Variants in NTF3 observed in about 807,000 individuals in gnomAD.
The protein encoded by NTF3 is neurotrophin 3.
In NTF3, 8 loss-of-function variants were observed where a neutral mutation model predicts 26.3. The ratio of observed to expected loss-of-function variants is 0.30; its 90% confidence interval spans 0.18 to 0.55. NTF3 has a LOEUF of 0.55. Among genes scored for constraint, NTF3 ranks in the 20% least tolerant of loss-of-function variants. NTF3 has a pLI of 0.93. For missense variants in NTF3, 276 were observed against 352.9 expected (o/e 0.78, Z 1.75); for synonymous variants, 154 against 145.5 (o/e 1.06, Z -0.42).
At chr12:5,435,671 G>C (rs1940158412) in intron 1 of NTF3, among the ~76,000 whole-genome samples, 2 of 152,188 alleles carry the variant, frequency 1.3e-5, no homozygotes, top group African/African-American at 2.4e-5. Flanking sequence ...AGAGTACACA[G>C]AGCCTCCTTC....
At chr12:5,453,208 T>C (rs1223880892) in intron 1 of NTF3, among the ~76,000 whole-genome samples, 2 of 152,242 alleles carry the variant, frequency 1.3e-5, no homozygotes, top group Admixed American at 6.5e-5. Context: ...ATAACAATGA[T>C]GAACATTTTT....
rs1565398052 is a variant in NTF3 at position 5,491,107 on chromosome 12, G to A, written c.19-3087G>A. On this transcript the variant is annotated intron_variant, in intron 1 of 1. Coordinates refer to ENST00000423158, the MANE Select transcript of NTF3 (RefSeq NM_001102654.2). ...TTGCGCCTACGAACCAAATGCCCCC[G>A]TCACTCTCTGCCATTGTTTAGCAGT... Among the ~76,000 whole-genome samples, 4 of 152,126 alleles carry A rather than the reference G, an allele frequency of 2.6e-5. No homozygotes were observed. The South Asian group carries it at 6.2e-4, about 24-fold the overall frequency.
intron 1 of NTF3, among the ~76,000 whole-genome samples, chr12:5,449,099 T>C (rs534891995): frequency 6.6e-6 from 1 of 152,250 alleles, no homozygotes; most frequent in South Asian, 2.1e-4. Context: ...ACACAGAGGG[T>C]ACCTGGAGTT....
At chr12:5,483,999 C>A (rs1940838230) in intron 1 of NTF3, among the ~76,000 whole-genome samples, 1 of 152,140 alleles carries the variant, frequency 6.6e-6, no homozygotes, top group Admixed American at 6.5e-5. Flanking sequence ...TCAGGCTTCA[C>A]ACATAGTGTC....
intron 1 of NTF3, among the ~76,000 whole-genome samples, chr12:5,487,095 T>G (rs1940875880): frequency 6.6e-6 from 1 of 152,224 alleles, no homozygotes; most frequent in South Asian, 2.1e-4. Flanking sequence ...TGGGAGTTTG[T>G]GATATGCAAA....
chr12:5,485,239 G>T (rs1462154908), intron 1 of NTF3, among the ~76,000 whole-genome samples: 1 of 152,200 alleles, frequency 6.6e-6, no homozygotes, highest in African/African-American at 2.4e-5. Context: ...CAGAGGATCT[G>T]TCTTGAATGT....
At chr12:5,464,456 G>A (rs923237523) in intron 1 of NTF3, among the ~76,000 whole-genome samples, 8 of 152,198 alleles carry the variant, frequency 5.3e-5, no homozygotes, top group African/African-American at 1.9e-4. Context: ...AAGAGGTTGT[G>A]TGAAATAAAC....
chr12:5,455,663 A>G (rs1008973516), intron 1 of NTF3, among the ~76,000 whole-genome samples: 3 of 152,124 alleles, frequency 2.0e-5, no homozygotes, highest in Admixed American at 1.3e-4. Context: ...ACAGTGAGAG[A>G]CAAAGTTCTA....
At chr12:5,453,851 G>A (rs1940404413) in intron 1 of NTF3, among the ~76,000 whole-genome samples, 2 of 152,188 alleles carry the variant, frequency 1.3e-5, no homozygotes, top group Non-Finnish European at 2.9e-5. Flanking sequence ...ACTGTGTAGG[G>A]TAGAGTTTGA....
At chr12:5,466,300 G>A (rs1940588298) in intron 1 of NTF3, among the ~76,000 whole-genome samples, 1 of 152,172 alleles carries the variant, frequency 6.6e-6, no homozygotes, top group Admixed American at 6.5e-5. Context: ...GATGCACTGT[G>A]GCGAGAGCAG....
At chr12:5,445,507 G>T (rs1049362133) in intron 1 of NTF3, among the ~76,000 whole-genome samples, 1 of 152,178 alleles carries the variant, frequency 6.6e-6, no homozygotes, top group African/African-American at 2.4e-5. Flanking sequence ...GTTGCTTGGG[G>T]AGTGTGAATA....
intron 1 of NTF3, among the ~76,000 whole-genome samples, chr12:5,460,621 A>G (rs1035782440): frequency 3.3e-5 from 5 of 152,186 alleles, no homozygotes; most frequent in Admixed American, 1.3e-4. Flanking sequence ...TAGAATAGGT[A>G]TCCATTTAAT....
At chr12:5,485,619 C>T (rs999998261) in intron 1 of NTF3, among the ~76,000 whole-genome samples, 3 of 152,188 alleles carry the variant, frequency 2.0e-5, no homozygotes, top group African/African-American at 4.8e-5. Context: ...ATTATTATGA[C>T]TTGTGTCTGT....
intron 1 of NTF3, among the ~76,000 whole-genome samples, chr12:5,459,878 G>A (rs1179084559): frequency 2.0e-5 from 3 of 152,146 alleles, no homozygotes; most frequent in African/African-American, 7.2e-5. Context: ...TATCTGATTT[G>A]CCATTCCAGA....
intron 1 of NTF3, among the ~76,000 whole-genome samples, chr12:5,436,114 C>A (rs1940165020): frequency 6.6e-6 from 1 of 152,156 alleles, no homozygotes; most frequent in African/African-American, 2.4e-5. Context: ...GGTGAGGCAA[C>A]TGGGTAGGAA....
chr12:5,472,487 A>G (rs1940677484), intron 1 of NTF3, among the ~76,000 whole-genome samples: 1 of 152,246 alleles, frequency 6.6e-6, no homozygotes, highest in Non-Finnish European at 1.5e-5. Flanking sequence ...TATAAATGTC[A>G]GGAATTATAT....
chr12:5,487,661 G>A (rs539903135), intron 1 of NTF3, among the ~76,000 whole-genome samples: 1 of 152,312 alleles, frequency 6.6e-6, no homozygotes. Flanking sequence ...ATGTATGTTA[G>A]TCAGTTTCAG....
intron 1 of NTF3, among the ~76,000 whole-genome samples, chr12:5,478,376 A>G (rs1215044147): frequency 6.6e-6 from 1 of 152,236 alleles, no homozygotes; most frequent in Non-Finnish European, 1.5e-5. Flanking sequence ...AGGAGGAATT[A>G]AAATGTATCA....
intron 1 of NTF3, among the ~76,000 whole-genome samples, chr12:5,493,815 A>G (rs889690675): frequency 2.6e-5 from 4 of 152,174 alleles, no homozygotes; most frequent in Non-Finnish European, 5.9e-5. Flanking sequence ...CATGTTTACA[A>G]TTCTCAGGTT....
Sources: allele counts gnomAD v4.1 joint callset (sites outside exome capture counted in the v4.1 genomes callset), GRCh38; gene constraint gnomAD v4.1.1; transcripts MANE v1.5; gene names NCBI Gene and HGNC (gene_info 2026-07-23, HGNC 2026-07-21).